The following RSPO2 variants were observed in gnomAD, a reference collection of about 807,000 sequenced individuals.
The protein encoded by RSPO2 is R-spondin-2.
Under a neutral mutation model 30.9 loss-of-function variants are expected in RSPO2, and 14 were observed. The observed-to-expected ratio is 0.45, with a 90% CI of 0.30 to 0.71. RSPO2 has a LOEUF of 0.71. RSPO2 is among the 30% of genes least tolerant of loss of function. The probability of loss-of-function intolerance (pLI) is 0.08; values close to 1 mark genes in which losing one functional copy is unlikely to be tolerated. For synonymous variants in RSPO2, 107 were observed against 96.4 expected, an observed-to-expected ratio of 1.11 and a Z score of -0.64; for missense variants, 264 against 301.9, an observed-to-expected ratio of 0.87 and a Z score of 0.93.
chr8:108,081,229 G>C (rs1813183958), intron 2 of RSPO2, among the ~76,000 whole-genome samples: 1 of 152,134 alleles, frequency 6.6e-6, no homozygotes, highest in Non-Finnish European at 1.5e-5. Context: ...CTGCGCTCAG[G>C]TGGGCCAATC....
chr8:107,936,099 C>G (rs911737665), intron 5 of RSPO2, among the ~76,000 whole-genome samples: 1 of 152,114 alleles, frequency 6.6e-6, no homozygotes, highest in African/African-American at 2.4e-5. Flanking sequence ...TACCTCCCTT[C>G]CTACCCACAC....
chr8:107,984,922 CTACTT>C (rs1814573827), intron 3 of RSPO2, among the ~76,000 whole-genome samples: 1 of 152,092 alleles, frequency 6.6e-6, no homozygotes, highest in African/African-American at 2.4e-5. Context: ...TTAAATGTAT[CTACTT>C]TGTAATAGTT....
chr8:108,051,390 GA>G (rs989436167), intron 2 of RSPO2, among the ~76,000 whole-genome samples: 4 of 152,192 alleles, frequency 2.6e-5, no homozygotes, highest in African/African-American at 2.4e-5. Context: ...CCAGCAGGGG[GA>G]AAAAACGGCT....
At chr8:107,908,569 G>GT in intron 5 of RSPO2, among the ~76,000 whole-genome samples, 1 of 152,232 alleles carries the variant, frequency 6.6e-6, no homozygotes, top group Non-Finnish European at 1.5e-5. Flanking sequence ...TTAAGAGATG[G>GT]TTTTTTAAAA....
intron 2 of RSPO2, among the ~76,000 whole-genome samples, chr8:108,007,785 A>G (rs1036836863): frequency 6.6e-6 from 1 of 152,048 alleles, no homozygotes; most frequent in African/African-American, 2.4e-5. Context: ...GTTTAGCTCA[A>G]CCTCAGAGCT....
intron 2 of RSPO2, among the ~76,000 whole-genome samples, chr8:108,000,577 G>A (rs1815209151): frequency 6.6e-6 from 1 of 152,024 alleles, no homozygotes; most frequent in African/African-American, 2.4e-5. Flanking sequence ...TAGCACCACA[G>A]AGAGAGGCTC....
At chr8:108,011,148 A>AAAAAAG (rs1554581784) in intron 2 of RSPO2, among the ~76,000 whole-genome samples, 1 of 140,484 alleles carries the variant, frequency 7.1e-6, no homozygotes, top group Non-Finnish European at 1.5e-5. Context: ...AAAAAAAAAA[A>AAAAAAG]AAAGAAAGAA....
At chr8:107,988,698 G>T (rs1814736662) in intron 3 of RSPO2, among the ~76,000 whole-genome samples, 1 of 152,078 alleles carries the variant, frequency 6.6e-6, no homozygotes, top group Non-Finnish European at 1.5e-5. Flanking sequence ...TGCTATCTCA[G>T]CTCACTGCAA....
intron 2 of RSPO2, among the ~76,000 whole-genome samples, chr8:108,077,461 C>T (rs898607902): frequency 6.6e-5 from 10 of 152,008 alleles, no homozygotes; most frequent in African/African-American, 2.2e-4. Flanking sequence ...ACTATCCCTA[C>T]CCAATCTTAT....
rs1006837535 is a variant in RSPO2 at position 108,064,348 on chromosome 8, C to A, written c.94+18197G>T. Among the ~76,000 whole-genome samples the A allele has an allele frequency of 4.5e-4, 68 of 152,070 alleles. 1 individual carries two copies. The highest frequency in any genetic ancestry group is 1.5e-3 in the African/African-American group (64 of 41,498). ...TTTACAAGAAAAAAACAACCCCATC[C>A]AAAAGTGGGCAAAGGATATGAACAG... is the stretch of plus-strand genomic sequence containing the variant. On this transcript the variant is annotated intron_variant, in intron 2 of 5. Transcript: ENST00000276659.
chr8:108,073,330 C>G (rs1812915159), intron 2 of RSPO2, among the ~76,000 whole-genome samples: 1 of 152,206 alleles, frequency 6.6e-6, no homozygotes, highest in African/African-American at 2.4e-5. Context: ...GAAAAGAATG[C>G]AAAGTGTGCC....
At chr8:108,037,096 C>G (rs2130648371) in intron 2 of RSPO2, among the ~76,000 whole-genome samples, 1 of 152,164 alleles carries the variant, frequency 6.6e-6, no homozygotes, top group East Asian at 1.9e-4. Flanking sequence ...TCCTATATCT[C>G]TCACTTTAAA....
At chr8:107,994,260 T>C (rs913516913) in intron 2 of RSPO2, among the ~76,000 whole-genome samples, 2 of 152,146 alleles carry the variant, frequency 1.3e-5, no homozygotes, top group Non-Finnish European at 2.9e-5. Context: ...TACAAGTAAA[T>C]TATATCTCAT....
At chr8:108,013,709 A>G (rs1438276073) in intron 2 of RSPO2, among the ~76,000 whole-genome samples, 1 of 152,230 alleles carries the variant, frequency 6.6e-6, no homozygotes, top group East Asian at 1.9e-4. Flanking sequence ...CTCAAGATAG[A>G]TTAAAGACTT....
intron 2 of RSPO2, among the ~76,000 whole-genome samples, chr8:108,009,482 T>TG (rs879382789): frequency 3.2e-4 from 48 of 152,266 alleles, no homozygotes; most frequent in Non-Finnish European, 5.6e-4. Flanking sequence ...CTATATAGAA[T>TG]GGGGGGTAGA....
intron 2 of RSPO2, among the ~76,000 whole-genome samples, chr8:108,063,708 C>T (rs1424993298): frequency 6.6e-6 from 1 of 151,858 alleles, no homozygotes; most frequent in Non-Finnish European, 1.5e-5. Flanking sequence ...CCAAAAAGAG[C>T]CCGCATTGCC....
chr8:108,024,640 G>GGTA (rs1811149859), intron 2 of RSPO2, among the ~76,000 whole-genome samples: 1 of 152,038 alleles, frequency 6.6e-6, no homozygotes, highest in South Asian at 2.1e-4. Context: ...GAAGGGATGG[G>GGTA]GTATGAAAAG....
chr8:108,044,698 TTA>T (rs1811860414), intron 2 of RSPO2, among the ~76,000 whole-genome samples: 1 of 152,126 alleles, frequency 6.6e-6, no homozygotes, highest in Non-Finnish European at 1.5e-5. Flanking sequence ...TTTTTTGTAG[TTA>T]TTTTTCTTTG....
intron 3 of RSPO2, among the ~76,000 whole-genome samples, chr8:107,961,609 G>A (rs983495069): frequency 7.9e-5 from 12 of 152,240 alleles, no homozygotes; most frequent in Non-Finnish European, 1.5e-4. Flanking sequence ...TGTTACATCT[G>A]GGTGTGAATA....
Sources: gnomAD v4.1 joint callset for allele counts (sites outside exome capture counted in the v4.1 genomes callset) on GRCh38, gnomAD v4.1.1 for gene constraint, MANE v1.5 for transcripts, NCBI Gene and HGNC (gene_info 2026-07-23, HGNC 2026-07-21) for gene names.